CAPN3: variants seen among roughly 807,000 people sequenced by gnomAD.
The protein encoded by CAPN3 is calpain 3.
In CAPN3, 88 loss-of-function variants were observed where a neutral mutation model predicts 114.0. The ratio of observed to expected loss-of-function variants is 0.77; its 90% confidence interval spans 0.65 to 0.92. The LOEUF is 0.92. CAPN3 is among the 40% of genes least tolerant of loss of function. CAPN3 has a pLI of 0.00. For missense variants in CAPN3, 1,028 were observed against 1,069.0 expected, an observed-to-expected ratio of 0.96 and a Z score of 0.53; for synonymous variants, 386 against 382.9, an observed-to-expected ratio of 1.01 and a Z score of -0.09.
At chr15:42,372,234 A>G (rs2052969893) in intron 1 of CAPN3, among the ~76,000 whole-genome samples, 1 of 152,070 alleles carries the variant, frequency 6.6e-6, no homozygotes, top group Non-Finnish European at 1.5e-5. Context: ...ATCTCGGCTC[A>G]CTGCAAACAT....
intron 1 of CAPN3, among the ~76,000 whole-genome samples, chr15:42,383,438 T>C (rs1015643834): frequency 4.6e-5 from 7 of 151,940 alleles, no homozygotes; most frequent in Admixed American, 2.0e-4. Context: ...ACTAAGAATA[T>C]GGAAACCACC....
chr15:42,402,005 C>A (rs2053886444), intron 11 of CAPN3, 119 bp from the exon 12 acceptor site: 1 of 1,424,424 alleles, frequency 7.0e-7, no homozygotes, highest in East Asian at 2.3e-5. Context: ...GCGGGCCTGG[C>A]AGAACAGGTG....
At chr15:42,365,837 G>C (rs972144694) in intron 1 of CAPN3, among the ~76,000 whole-genome samples, 6 of 152,200 alleles carry the variant, frequency 3.9e-5, no homozygotes, top group South Asian at 4.2e-4. Flanking sequence ...CTGGACCTGT[G>C]GACACCTCTT....
At chr15:42,410,319 A>T in intron 19 of CAPN3, 109 bp from the exon 20 acceptor site, 1 of 994,862 alleles carries the variant, frequency 1.0e-6, no homozygotes, top group East Asian at 2.4e-5. Flanking sequence ...GGGAGGGTTA[A>T]ATAGTACAAC....
At chr15:42,366,318 G>C (rs2052774564) in intron 1 of CAPN3, among the ~76,000 whole-genome samples, 1 of 152,126 alleles carries the variant, frequency 6.6e-6, no homozygotes, top group South Asian at 2.1e-4. Flanking sequence ...CATGGACCCA[G>C]CCACACCGGC....
intron 16 of CAPN3, chr15:42,409,075 C>T (rs1340205489): frequency 4.3e-5 from 25 of 575,598 alleles, no homozygotes; most frequent in South Asian, 5.9e-5. Flanking sequence ...GCTGTATGGC[C>T]GCCATATCTC....
intron 9 of CAPN3, among the ~76,000 whole-genome samples, chr15:42,397,317 G>T (rs1412234831): frequency 6.6e-6 from 1 of 152,152 alleles, no homozygotes; most frequent in Non-Finnish European, 1.5e-5. Flanking sequence ...CCGAGGACTG[G>T]GATTAATTTA....
intron 4 of CAPN3, 102 bp downstream of exon 4, chr15:42,387,988 C>G (rs772915190): frequency 7.9e-6 from 11 of 1,388,638 alleles, no homozygotes; most frequent in Non-Finnish European, 1.1e-5. Context: ...TGCCTCTATA[C>G]GTGCATATGT....
chr15:42,380,774 A>G (rs1280934792), intron 1 of CAPN3, among the ~76,000 whole-genome samples: 1 of 83,664 alleles, frequency 1.2e-5, no homozygotes, highest in Non-Finnish European at 2.2e-5. Context: ...TTTTTTTTGT[A>G]AAGATGGGGT....
At chr15:42,402,726 G>A in intron 12 of CAPN3, 68 bp from the exon 13 acceptor site, 1 of 1,586,380 alleles carries the variant, frequency 6.3e-7, no homozygotes, top group Non-Finnish European at 8.6e-7. Flanking sequence ...ACCCTTGGAG[G>A]TGGCTGTGGC....
chr15:42,383,041 G>A (rs1402157130), intron 1 of CAPN3, among the ~76,000 whole-genome samples: 5 of 152,078 alleles, frequency 3.3e-5, no homozygotes, highest in Admixed American at 6.6e-5. Context: ...ATAGGTAAAC[G>A]TTTTTGAAAA....
Position 42,387,997 on chromosome 15 carries a change from G to T in CAPN3, c.632+111G>T. 6 of 1,312,900 alleles carry T rather than the reference G, an allele frequency of 4.6e-6. No homozygotes were observed. The South Asian group carries it at 7.2e-5, about 16-fold the overall frequency. The allele number at this position is 1,312,900 out of a possible 1,614,324, so 81.3% of individuals were successfully genotyped here. ...GGCATGTGCCTCTATACGTGCATAT[G>T]TGTGGGCATGCAAGTCCAACTGTGA... On this transcript the variant is annotated intron_variant, in intron 4 of 23. Coordinates refer to ENST00000397163, the MANE Select transcript of CAPN3 (RefSeq NM_000070.3).
chr15:42,398,920 G>T (rs2053785717), intron 9 of CAPN3, among the ~76,000 whole-genome samples: 2 of 151,196 alleles, frequency 1.3e-5, no homozygotes, highest in African/African-American at 4.9e-5. Context: ...AAGTAACTAG[G>T]ATTACAAGTG....
intron 16 of CAPN3, chr15:42,408,628 G>A (rs540747676): frequency 1.3e-5 from 5 of 394,094 alleles, no homozygotes; most frequent in African/African-American, 4.2e-5. Context: ...GCTTGAGAGC[G>A]GAGGCGCAAC....
chr15:42,381,710 T>G (rs985635023), intron 1 of CAPN3, among the ~76,000 whole-genome samples: 2 of 152,128 alleles, frequency 1.3e-5, no homozygotes, highest in Non-Finnish European at 2.9e-5. Flanking sequence ...TGGCTAATTT[T>G]TGTATTTTTA....
At chr15:42,394,610 A>G (rs1031124605) in intron 8 of CAPN3, among the ~76,000 whole-genome samples, 1 of 152,148 alleles carries the variant, frequency 6.6e-6, no homozygotes, top group Non-Finnish European at 1.5e-5. Context: ...CAGGCAGGAA[A>G]AGCGTATGAA....
intron 16 of CAPN3, 138 bp from the exon 17 acceptor site, chr15:42,409,165 C>T (rs1372604236): frequency 1.4e-6 from 1 of 733,328 alleles, no homozygotes; most frequent in Non-Finnish European, 2.5e-6. Context: ...CTCACCAGGT[C>T]TGCATTTGCC....
Position 42,402,813 on chromosome 15 carries a change from A to C in CAPN3, c.1556A>C (p.His519Pro). 1.2e-6 allele frequency: 2 copies of C among 1,614,174 alleles called. No homozygotes were observed. Among genetic ancestry groups the C allele is most frequent in the Non-Finnish European group, 1.7e-6 (2 of 1,180,020 alleles). Residue 519 changes from histidine to proline, a missense_variant, in exon 13 of 24, where the codon CAC becomes CCC. Transcript: ENST00000397163. Reference sequence around the variant, plus strand: ...TCTCAGATGCACGGGAACAAGCAGCACCTGCAGAAGGACTTCTTCCTGTAC... The same window carrying C: ...TCTCAGATGCACGGGAACAAGCAGCCCCTGCAGAAGGACTTCTTCCTGTAC... ...VPKEMHGNKQ[H>P]LQKDFFLYNA...
Position 42,409,764 on chromosome 15 carries a change from CCCT to C in CAPN3, c.1993-18_1993-16del. 6.2e-7 allele frequency: 1 copy of C among 1,611,296 alleles called. No individual in the cohort carries two copies. Among genetic ancestry groups the C allele is most frequent in the Non-Finnish European group, 8.5e-7 (1 of 1,177,486 alleles). On this transcript the variant is annotated intron_variant, in intron 17 of 23. Transcript: ENST00000397163. The stretch of plus-strand genomic sequence containing the variant: ...GAGCTGCTGTACTCCTGAACCATGA[CCCT>C]CCTCTCCCTTCCTCCTCAGGACATG...
Sources: gnomAD v4.1 joint callset for allele counts (sites outside exome capture counted in the v4.1 genomes callset) on GRCh38, gnomAD v4.1.1 for gene constraint, MANE v1.5 for transcripts, NCBI Gene and HGNC (gene_info 2026-07-23, HGNC 2026-07-21) for gene names.